The following TENM1 variants were observed in gnomAD, a reference collection of about 807,000 sequenced individuals.
TENM1 encodes the protein teneurin transmembrane protein 1, also known as teneurin-1.
In TENM1, 35 loss-of-function variants were observed where a neutral mutation model predicts 174.8. The observed-to-expected ratio is 0.20, with a 90% confidence interval of 0.15 to 0.27. The LOEUF is 0.27. TENM1 is among the 10% of genes least tolerant of loss of function. The pLI is 1.00. For missense variants in TENM1, 1,633 were observed against 2,130.1 expected, an observed-to-expected ratio of 0.77 and a Z score of 4.59; for synonymous variants, 781 against 798.7, an observed-to-expected ratio of 0.98 and a Z score of 0.37.
At position 124,534,077 on chromosome X, in the gene TENM1, A is replaced by G. The variant is rs778016952; in HGVS notation, c.2652-4094T>C. 6.2e-5 allele frequency among the ~76,000 whole-genome samples: 7 copies of G among 112,013 alleles called. No homozygotes were observed. In the East Asian group the frequency reaches 1.7e-3, roughly 27 times the overall value. ...TCTTTTTTCCTGTTCTCTAGAGAAT[A>G]CAGGCTGCTGCCAAGCTGTCTACCT... On this transcript the variant is annotated intron_variant, in intron 15 of 31. Transcript: ENST00000422452.
chrX:125,023,656 A>G, the TENM1 span, among the ~76,000 whole-genome samples: 1 of 111,268 alleles, frequency 9.0e-6, no homozygotes, highest in Admixed American at 9.5e-5. Context: ...CCATGGTGGA[A>G]AGAATACTCA....
At chrX:124,732,029 C>CAA (rs1213390025) in intron 4 of TENM1, among the ~76,000 whole-genome samples, 1 of 111,792 alleles carries the variant, frequency 8.9e-6, no homozygotes, top group Non-Finnish European at 1.9e-5. Context: ...ATTCTGAGAG[C>CAA]AAAAGCAAAT....
At position 124,472,346 on chromosome X, in the gene TENM1, A is replaced by AAAAAAAAAAAC. The variant is rs1335194149; in HGVS notation, c.3949+9385_3949+9386insGTTTTTTTTTT. 6.7e-4 allele frequency among the ~76,000 whole-genome samples: 69 copies of AAAAAAAAAAAC among 102,739 alleles called. 1 individual carries two copies. Among genetic ancestry groups the AAAAAAAAAAAC allele is most frequent in the African/African-American group, 2.4e-3 (67 of 28,265 alleles). 89.2% of individuals were successfully genotyped at this position (102,739 alleles called of 115,157 possible). On this transcript the variant is annotated intron_variant, in intron 22 of 31. Transcript: ENST00000422452. ...TGCTTGACGTAAAAAAAAAAAAAAA[A>AAAAAAAAAAAC]AAAAAAAAAAAGCGGCTGACTATGA...
rs938075322 is a variant in TENM1, at chrX:124,901,094, T to G, written c.218-4853A>C. Among the ~76,000 whole-genome samples, 4 of 111,543 alleles carry G rather than the reference T, an allele frequency of 3.6e-5. No individual in the cohort carries two copies. The South Asian group carries it at 1.5e-3, about 42-fold the overall frequency. On this transcript the variant is annotated intron_variant, in intron 1 of 31. Coordinates refer to ENST00000422452, the Ensembl canonical transcript of TENM1. ...GGCATGAGCCACTATGCCCGACTGA[T>G]GCATGATTTCTCAGTGATCTTCTAG... is the stretch of plus-strand genomic sequence containing the variant.
At chrX:125,152,830 C>A in the TENM1 span, among the ~76,000 whole-genome samples, 2 of 112,097 alleles carry the variant, frequency 1.8e-5, no homozygotes, top group African/African-American at 6.5e-5. Flanking sequence ...AGTGATGGTA[C>A]AAAGAATGGA....
chrX:124,752,147 A>G (rs370260559), intron 3 of TENM1, among the ~76,000 whole-genome samples: 3 of 110,855 alleles, frequency 2.7e-5, no homozygotes, highest in African/African-American at 6.6e-5. Context: ...ATCCTCTCCA[A>G]CACCTGTTGT....
chrX:124,405,619 T>A (rs1479425438), intron 26 of TENM1, among the ~76,000 whole-genome samples: 1 of 110,374 alleles, frequency 9.1e-6, no homozygotes, highest in Non-Finnish European at 1.9e-5. Flanking sequence ...ATGAGAAGAG[T>A]GTGAAGTTCA....
intron 4 of TENM1, among the ~76,000 whole-genome samples, chrX:124,728,842 C>T (rs1435795925): frequency 8.9e-6 from 1 of 111,916 alleles, no homozygotes; most frequent in African/African-American, 3.3e-5. Context: ...TGGGATTTTA[C>T]AAAGTTCCTT....
chrX:124,380,155 C>T (rs1280765307), exon 32 of TENM1: 2 of 131,658 alleles, frequency 1.5e-5, no homozygotes, highest in Non-Finnish European at 3.0e-5. Flanking sequence ...TCAAATAGCC[C>T]GTAAGTTCTG....
intron 5 of TENM1, among the ~76,000 whole-genome samples, chrX:124,700,380 T>C (rs2052748462): frequency 9.0e-6 from 1 of 111,695 alleles, no homozygotes; most frequent in Non-Finnish European, 1.9e-5. Context: ...TTACCCCAGC[T>C]CAAACTAAAT....
chrX:124,768,703 C>A (rs2054585297), intron 3 of TENM1, among the ~76,000 whole-genome samples: 1 of 112,356 alleles, frequency 8.9e-6, no homozygotes, highest in Admixed American at 9.5e-5. Context: ...CAATCTAATT[C>A]TTTGGCTTCC....
intron 22 of TENM1, among the ~76,000 whole-genome samples, chrX:124,475,203 C>G (rs1229156318): frequency 1.8e-5 from 2 of 110,975 alleles, no homozygotes; most frequent in African/African-American, 6.6e-5. Context: ...AATCATCACT[C>G]TTCTAGCTTC....
chrX:124,770,781 G>A (rs1008004873), intron 3 of TENM1, among the ~76,000 whole-genome samples: 3 of 109,228 alleles, frequency 2.7e-5, no homozygotes, highest in Admixed American at 9.8e-5. Flanking sequence ...TCTTTCTTGC[G>A]TTCTTTTTCT....
chrX:124,543,588 T>C (rs1015962836), intron 15 of TENM1, among the ~76,000 whole-genome samples: 19 of 112,640 alleles, frequency 1.7e-4, no homozygotes, highest in Non-Finnish European at 3.7e-5. Context: ...ATTAAATGCT[T>C]AGACACTAAA....
the TENM1 span, among the ~76,000 whole-genome samples, chrX:125,010,603 A>C: frequency 9.1e-6 from 1 of 109,477 alleles, no homozygotes; most frequent in South Asian, 4.1e-4. Context: ...TCATGAGGTC[A>C]GGAGATCGAG....
chrX:124,488,772 G>A (rs1456628636), intron 20 of TENM1, among the ~76,000 whole-genome samples: 1 of 112,202 alleles, frequency 8.9e-6, no homozygotes, highest in African/African-American at 3.2e-5. Context: ...GAAAGTACTA[G>A]AAGGATCTCA....
At chrX:124,557,975 A>T (rs757226694) in intron 14 of TENM1, among the ~76,000 whole-genome samples, 16 of 112,106 alleles carry the variant, frequency 1.4e-4, no homozygotes, top group Non-Finnish European at 2.6e-4. Flanking sequence ...AGGGTTGTGC[A>T]TGTGGTAGGT....
chrX:124,791,571 C>T (rs965432553), intron 3 of TENM1, among the ~76,000 whole-genome samples: 6 of 111,333 alleles, frequency 5.4e-5, no homozygotes, highest in Non-Finnish European at 1.1e-4. Context: ...CACATACTCA[C>T]GCTCATGCTG....
intron 3 of TENM1, among the ~76,000 whole-genome samples, chrX:124,795,417 T>C (rs917688755): frequency 1.4e-4 from 16 of 112,575 alleles, no homozygotes; most frequent in Non-Finnish European, 2.4e-4. Context: ...TGCTGCAATG[T>C]ATAAGACTAA....
Sources: allele counts gnomAD v4.1 joint callset (sites outside exome capture counted in the v4.1 genomes callset), GRCh38; gene constraint gnomAD v4.1.1; transcripts MANE v1.5; gene names NCBI Gene and HGNC (gene_info 2026-07-23, HGNC 2026-07-21).